The following STK39 variants were observed in gnomAD, a reference collection of about 807,000 sequenced individuals.
STK39 encodes the protein serine/threonine kinase 39.
In STK39, 20 loss-of-function variants were observed where a neutral mutation model predicts 77.8. The ratio of observed to expected loss-of-function variants is 0.26; its 90% CI spans 0.18 to 0.37. STK39 has a LOEUF of 0.37. Ranked by LOEUF, STK39 falls within the 10% of genes least tolerant of loss-of-function variation. STK39 has a pLI of 1.00. For synonymous variants in STK39, 246 were observed against 234.1 expected (o/e 1.05, Z -0.47); for missense variants, 479 against 656.5 (o/e 0.73, Z 2.95).
At chr2:168,207,168 C>A (rs1689763363) in intron 1 of STK39, among the ~76,000 whole-genome samples, 2 of 152,232 alleles carry the variant, frequency 1.3e-5, no homozygotes, top group Admixed American at 1.3e-4. Flanking sequence ...CCTCTGAGTT[C>A]TGGTAAACTG....
At chr2:167,963,521 A>G (rs905110581) in intron 17 of STK39, among the ~76,000 whole-genome samples, 1 of 149,356 alleles carries the variant, frequency 6.7e-6, no homozygotes, top group Non-Finnish European at 1.5e-5. Flanking sequence ...ATACTCTCAC[A>G]TTAAAAAAAA....
intron 5 of STK39, among the ~76,000 whole-genome samples, chr2:168,159,134 A>G (rs1023543718): frequency 6.6e-6 from 1 of 152,238 alleles, no homozygotes; most frequent in African/African-American, 2.4e-5. Flanking sequence ...AACAGTGCAC[A>G]CAATAATATT....
chr2:168,060,082 T>C (rs1233246550), intron 14 of STK39, among the ~76,000 whole-genome samples: 1 of 152,172 alleles, frequency 6.6e-6, no homozygotes, highest in East Asian at 1.9e-4. Context: ...CTGTTTAACT[T>C]AGAACTTTCA....
intron 8 of STK39, among the ~76,000 whole-genome samples, chr2:168,134,128 G>A (rs547145573): frequency 1.3e-5 from 2 of 152,276 alleles, no homozygotes; most frequent in Admixed American, 6.5e-5. Context: ...CATAATGTAA[G>A]TACAAACAGT....
At position 168,141,889 on chromosome 2, in the gene STK39, G is replaced by A. The variant is rs1166111840; in HGVS notation, c.629-1131C>T. On this transcript the variant is annotated intron_variant, in intron 5 of 17. Transcript: ENST00000355999. ...GCCTATAAGGTTAGTTTATGCAATT[G>A]TAACTTAATAACATTGTAACTGGTT... 2.0e-5 allele frequency among the ~76,000 whole-genome samples: 3 copies of A among 152,306 alleles called. No individual in the cohort carries two copies. The East Asian group carries it at 5.8e-4, about 29-fold the overall frequency.
At position 168,247,473 on chromosome 2, in the gene STK39, C is replaced by T. The variant is rs1174789654; in HGVS notation, c.-38G>A. On this transcript the variant is annotated 5_prime_UTR_variant, in exon 1 of 18. Coordinates refer to ENST00000355999, the MANE Select transcript of STK39 (RefSeq NM_013233.3). ...GAGAGCAGGAGGACGCGCCGGCCGACGGACGACCTTCCACTTGAAACTTCC... is the reference window on the plus strand; with the variant it reads ...GAGAGCAGGAGGACGCGCCGGCCGATGGACGACCTTCCACTTGAAACTTCC... 7.7e-7 allele frequency: 1 copy of T among 1,296,360 alleles called. No homozygotes were observed. Among genetic ancestry groups the T allele is most frequent in the Non-Finnish European group, 9.9e-7 (1 of 1,007,366 alleles). 80.3% of individuals were successfully genotyped at this position (1,296,360 alleles called of 1,614,324 possible).
intron 5 of STK39, among the ~76,000 whole-genome samples, chr2:168,146,377 T>C (rs916293871): frequency 2.0e-5 from 3 of 152,232 alleles, no homozygotes; most frequent in Non-Finnish European, 4.4e-5. Flanking sequence ...ACCTGAGTTG[T>C]GCATGAACAA....
rs115958104 is a variant in STK39 at position 168,226,147 on chromosome 2, T to C, written c.208+21081A>G. Among the ~76,000 whole-genome samples the C allele has an allele frequency of 1.6e-3, 244 of 152,244 alleles. 1 individual carries two copies. The highest frequency in any genetic ancestry group is 5.5e-3 in the African/African-American group (228 of 41,526). On this transcript the variant is annotated intron_variant, in intron 1 of 17. Coordinates refer to ENST00000355999, the MANE Select transcript of STK39 (RefSeq NM_013233.3). ...AAACAGCCAGAGAAGCAGGTGGGCATGAGCAAAGCAAACACATGCTGATTG... is the reference window on the plus strand; with the variant it reads ...AAACAGCCAGAGAAGCAGGTGGGCACGAGCAAAGCAAACACATGCTGATTG...
intron 4 of STK39, 122 bp from the exon 5 acceptor site, chr2:168,161,964 T>C (rs1409141708): frequency 1.5e-6 from 1 of 648,596 alleles, no homozygotes; most frequent in Admixed American, 3.5e-5. Flanking sequence ...ATTTCATAAA[T>C]ATTAAGATAA....
intron 16 of STK39, among the ~76,000 whole-genome samples, chr2:167,965,963 G>C (rs1160910660): frequency 1.3e-5 from 2 of 152,086 alleles, no homozygotes. Flanking sequence ...GGAGAAAAAA[G>C]AAAAATTATG....
At chr2:168,227,470 A>G (rs1312268654) in intron 1 of STK39, among the ~76,000 whole-genome samples, 1 of 152,226 alleles carries the variant, frequency 6.6e-6, no homozygotes, top group African/African-American at 2.4e-5. Context: ...CATCCGCATG[A>G]AATCACACAG....
intron 14 of STK39, among the ~76,000 whole-genome samples, chr2:168,040,196 T>C (rs1324525559): frequency 6.6e-6 from 1 of 151,766 alleles, no homozygotes; most frequent in Non-Finnish European, 1.5e-5. Flanking sequence ...ATAAAACTGT[T>C]GCTCAATATA....
At chr2:167,958,419 T>G (rs1691845034) in intron 17 of STK39, among the ~76,000 whole-genome samples, 1 of 152,208 alleles carries the variant, frequency 6.6e-6, no homozygotes, top group Non-Finnish European at 1.5e-5. Context: ...TCATTAAACT[T>G]AACAATAATA....
chr2:168,011,667 T>A (rs1191730932), intron 16 of STK39, among the ~76,000 whole-genome samples: 2 of 152,170 alleles, frequency 1.3e-5, no homozygotes, highest in East Asian at 3.8e-4. Context: ...AGGAGGTCTA[T>A]GGGTGGTTGC....
intron 2 of STK39, among the ~76,000 whole-genome samples, chr2:168,174,327 A>T (rs1688902540): frequency 2.6e-5 from 4 of 152,282 alleles, no homozygotes; most frequent in Admixed American, 2.6e-4. Context: ...ACGGAACAGA[A>T]TGAATATCCC....
intron 5 of STK39, among the ~76,000 whole-genome samples, chr2:168,141,355 C>G (rs143752550): frequency 0.021 from 3,138 of 152,194 alleles, 61 homozygotes; most frequent in African/African-American, 0.048. Context: ...ATTCGAAAAC[C>G]AGAAATCTGA....
chr2:168,043,721 T>C (rs1355446411), intron 14 of STK39, among the ~76,000 whole-genome samples: 1 of 152,224 alleles, frequency 6.6e-6, no homozygotes, highest in Non-Finnish European at 1.5e-5. Context: ...GACCTGAACT[T>C]TGTCATTAGC....
At chr2:168,089,007 G>A (rs1216506393) in intron 10 of STK39, among the ~76,000 whole-genome samples, 2 of 152,078 alleles carry the variant, frequency 1.3e-5, no homozygotes, top group South Asian at 2.1e-4. Flanking sequence ...TCTAGATTTC[G>A]AAGAGACTCC....
At chr2:168,173,123 T>C (rs1688869531) in intron 2 of STK39, among the ~76,000 whole-genome samples, 2 of 152,206 alleles carry the variant, frequency 1.3e-5, no homozygotes, top group Admixed American at 1.3e-4. Flanking sequence ...GAGAAACATG[T>C]AGCTCCCAGG....
Sources: gnomAD v4.1 joint callset for allele counts (sites outside exome capture counted in the v4.1 genomes callset) on GRCh38, gnomAD v4.1.1 for gene constraint, MANE v1.5 for transcripts, NCBI Gene and HGNC (gene_info 2026-07-23, HGNC 2026-07-21) for gene names.